The following ZC3H12D variants were observed in gnomAD, a reference collection of about 807,000 sequenced individuals.
The protein encoded by ZC3H12D is zinc finger CCCH-type containing 12D.
Under a neutral mutation model 24.2 loss-of-function variants are expected in ZC3H12D, and 11 were observed. The observed-to-expected ratio is 0.46, with a 90% CI of 0.29 to 0.75. The LOEUF (loss-of-function observed/expected upper bound fraction) is 0.75. Among genes scored for constraint, ZC3H12D ranks in the 30% least tolerant of loss-of-function variants. The pLI, the probability that ZC3H12D is intolerant of heterozygous loss-of-function variation, is 0.11. For missense variants in ZC3H12D, 740 were observed against 767.7 expected (o/e 0.96, Z 0.43); for synonymous variants, 333 against 341.8 (o/e 0.97, Z 0.28).
intron 3 of ZC3H12D, among the ~76,000 whole-genome samples, chr6:149,458,123 C>CT (rs1776014908): frequency 8.5e-5 from 4 of 47,156 alleles, no homozygotes; most frequent in Admixed American, 3.8e-4. Context: ...TTTTTTTTTT[C>CT]GTTTCTTTTT....
chr6:149,460,009 A>T (rs576485870), intron 3 of ZC3H12D, among the ~76,000 whole-genome samples: 1 of 152,324 alleles, frequency 6.6e-6, no homozygotes, highest in African/African-American at 2.4e-5. Flanking sequence ...AATTCCTATC[A>T]TCATAGCCAT....
chr6:149,457,279 C>G (rs77314078), intron 3 of ZC3H12D, among the ~76,000 whole-genome samples: 3,522 of 152,318 alleles, frequency 0.023, 61 homozygotes, highest in Non-Finnish European at 0.036. Context: ...GAAAGACATT[C>G]CTGTATTAAC....
At chr6:149,484,002 C>G (rs746544243) in intron 1 of ZC3H12D, among the ~76,000 whole-genome samples, 1 of 152,198 alleles carries the variant, frequency 6.6e-6, no homozygotes, top group African/African-American at 2.4e-5. Flanking sequence ...GCCGGCCTGG[C>G]CTTTTCCTTT....
intron 3 of ZC3H12D, chr6:149,459,461 T>C (rs892257752): frequency 4.8e-6 from 3 of 626,522 alleles, no homozygotes; most frequent in African/African-American, 1.8e-5. Flanking sequence ...GCAGAGAGGA[T>C]TGTATTGATT....
intron 2 of ZC3H12D, among the ~76,000 whole-genome samples, chr6:149,468,204 C>G (rs1776191157): frequency 6.6e-6 from 1 of 151,920 alleles, no homozygotes; most frequent in Non-Finnish European, 1.5e-5. Flanking sequence ...TGGTCTCAAA[C>G]TCCTGACCTC....
intron 2 of ZC3H12D, among the ~76,000 whole-genome samples, chr6:149,468,759 G>A (rs1776199796): frequency 6.6e-6 from 1 of 152,094 alleles, no homozygotes; most frequent in African/African-American, 2.4e-5. Flanking sequence ...ACAGAACAGA[G>A]TCAGGGTCTC....
intron 3 of ZC3H12D, among the ~76,000 whole-genome samples, chr6:149,457,246 A>C (rs1775998769): frequency 6.6e-6 from 1 of 152,232 alleles, no homozygotes; most frequent in Non-Finnish European, 1.5e-5. Context: ...CCCCTATCGC[A>C]GCAGGCACAG....
Position 149,447,924 on chromosome 6 carries a change from T to C in ZC3H12D, c.*2759A>G, listed in dbSNP as rs1775813776. 1 of 152,144 alleles carries C rather than the reference T, an allele frequency of 6.6e-6. No individual in the cohort carries two copies. The highest frequency in any genetic ancestry group is 2.4e-5 in the African/African-American group (1 of 41,418). 9.4% of individuals were successfully genotyped at this position (152,144 alleles called of 1,614,324 possible). A position where few individuals can be genotyped will look rare whatever the true frequency, so the allele number is the denominator to read the frequency against. ...AAATCAGCAACACAATGATTCTACA[T>C]CAGGAAATCGAACCAGGGAGACAAA... On this transcript the variant is annotated 3_prime_UTR_variant, in exon 6 of 6. Coordinates refer to ENST00000409806, the MANE Select transcript of ZC3H12D (RefSeq NM_207360.3).
chr6:149,475,584 C>T (rs147463140), intron 1 of ZC3H12D, among the ~76,000 whole-genome samples: 1,912 of 152,246 alleles, frequency 0.013, 42 homozygotes, highest in South Asian at 0.11. Context: ...GGCATGGTGG[C>T]GCACGCCTGT....
rs185106894 is a variant in ZC3H12D, at chr6:149,471,833, G to A, written c.305+2406C>T. Reference sequence around the variant, plus strand: ...CCAACAGGAGCCACACTTCTCATCCGCTCAAGGTGGAAAGAACAGGTGTCC... The same window carrying A: ...CCAACAGGAGCCACACTTCTCATCCACTCAAGGTGGAAAGAACAGGTGTCC... On this transcript the variant is annotated intron_variant, in intron 2 of 5. Coordinates refer to ENST00000409806, the MANE Select transcript of ZC3H12D (RefSeq NM_207360.3). Among the ~76,000 whole-genome samples, 268 of 152,326 alleles carry A rather than the reference G, an allele frequency of 1.8e-3. 6 individuals carry two copies. The highest frequency in any genetic ancestry group is 6.5e-4 in the African/African-American group (27 of 41,578).
intron 3 of ZC3H12D, among the ~76,000 whole-genome samples, chr6:149,459,917 G>T (rs951044897): frequency 1.2e-5 from 1 of 83,202 alleles, no homozygotes; most frequent in Non-Finnish European, 2.0e-5. Flanking sequence ...TGGCAACTGC[G>T]CAGATATAGT....
intron 2 of ZC3H12D, among the ~76,000 whole-genome samples, chr6:149,463,694 G>A (rs1450996372): frequency 6.6e-6 from 1 of 152,218 alleles, no homozygotes; most frequent in Non-Finnish European, 1.5e-5. Context: ...GGGCGACATA[G>A]CAAAAATTGA....
In ZC3H12D at chr6:149,447,888, T is replaced by C. The variant is rs1444642022; in HGVS notation, c.*2795A>G. 2.0e-5 allele frequency: 3 copies of C among 152,200 alleles called. No homozygotes were observed. The highest frequency in any genetic ancestry group is 1.9e-4 in the East Asian group (1 of 5,206). 9.4% of individuals were successfully genotyped at this position (152,200 alleles called of 1,614,324 possible). On this transcript the variant is annotated 3_prime_UTR_variant, in exon 6 of 6. Coordinates refer to ENST00000409806, the MANE Select transcript of ZC3H12D (RefSeq NM_207360.3). ...TTCTCAAAGGAAGCAGTTTAAACAT[T>C]TTCAACTGAAAAATCAGCAACACAA...
chr6:149,459,418 C>T, intron 3 of ZC3H12D: 1 of 580,234 alleles, frequency 1.7e-6, no homozygotes, highest in South Asian at 2.1e-5. Context: ...AGCAGCAAAC[C>T]CAGGATTTTG....
At chr6:149,466,622 A>T (rs1234301909) in intron 2 of ZC3H12D, among the ~76,000 whole-genome samples, 1 of 152,178 alleles carries the variant, frequency 6.6e-6, no homozygotes, top group Non-Finnish European at 1.5e-5. Context: ...TCACGCCTGT[A>T]ATCCCAGCAC....
In ZC3H12D at chr6:149,451,472, T is replaced by G; in HGVS notation, c.795A>C (p.Lys265Asn). The stretch of plus-strand genomic sequence containing the variant: ...ACTTGCACTTGATGCCATAGGTGCA[T>G]TTCTTGCCTGAAAGGGGCGGGGGCA... ...PSWQHCPYGK[K>N]CTYGIKCKFY... The change falls in exon 6 of 6, where the codon AAA (lysine) becomes AAC (asparagine). Residue 265 changes from lysine to asparagine, a missense_variant. Lys to Asn is a moderately conservative substitution (Grantham distance 94, BLOSUM62 0). Transcript: ENST00000409806. 1 of 1,568,276 alleles carries G rather than the reference T, an allele frequency of 6.4e-7. No individual in the cohort carries two copies. The highest frequency in any genetic ancestry group is 8.6e-7 in the Non-Finnish European group (1 of 1,166,982).
At chr6:149,464,464 A>T (rs1332557110) in intron 2 of ZC3H12D, among the ~76,000 whole-genome samples, 1 of 152,146 alleles carries the variant, frequency 6.6e-6, no homozygotes, top group African/African-American at 2.4e-5. Flanking sequence ...TTCAGATCCC[A>T]GCTTCATCCT....
chr6:149,456,637 C>CCG lies in ZC3H12D; in HGVS notation c.680+28_680+29insCG. 1.9e-6 allele frequency: 3 copies of CCG among 1,554,896 alleles called. No homozygotes were observed. Among genetic ancestry groups the CCG allele is most frequent in the Non-Finnish European group, 2.7e-6 (3 of 1,130,036 alleles). On this transcript the variant is annotated intron_variant, in intron 4 of 5. Transcript: ENST00000409806. This position sits in a 1 kb window ranked among gnomAD's most constrained non-coding sequence, Gnocchi z 4.3. The stretch of plus-strand genomic sequence containing the variant: ...CCCGGCCCCCCGCCCCGCCGCCCCC[C>CCG]AGGGTGTCAGGACCCCAGCCGGACC...
intron 1 of ZC3H12D, among the ~76,000 whole-genome samples, chr6:149,480,918 C>T (rs1287438023): frequency 4.6e-5 from 7 of 151,712 alleles, no homozygotes; most frequent in African/African-American, 1.7e-4. Flanking sequence ...GGGCCCAACA[C>T]ACCCTCCAGG....
Sources: allele counts gnomAD v4.1 joint callset (sites outside exome capture counted in the v4.1 genomes callset), GRCh38; gene constraint gnomAD v4.1.1; non-coding constraint Gnocchi (gnomAD v3.1); transcripts MANE v1.5; gene names NCBI Gene and HGNC (gene_info 2026-07-23, HGNC 2026-07-21).